Variants in ACO1 observed in about 807,000 individuals in gnomAD.
The protein encoded by ACO1 is aconitase 1.
In ACO1, 78 loss-of-function variants were observed where a neutral mutation model predicts 105.1. The observed-to-expected ratio is 0.74, with a 90% CI of 0.62 to 0.90. The LOEUF (loss-of-function observed/expected upper bound fraction) is 0.90. Ranked by LOEUF, ACO1 falls within the 40% of genes least tolerant of loss-of-function variation. The pLI is 0.00. For synonymous variants in ACO1, 364 were observed against 397.4 expected (o/e 0.92, Z 1.00); for missense variants, 965 against 1,111.1 (o/e 0.87, Z 1.87).
Position 32,424,638 on chromosome 9 carries a change from G to A in ACO1, c.1161G>A (p.Lys387=). Residue 387 remains lysine, a synonymous_variant, in exon 10 of 21, where the codon AAG becomes AAA. Transcript: ENST00000309951. ...QDKVAVSDMK[K]DFESCLGAKQ... is the part of the protein sequence containing the mutation. ...AAGTTGCTGTGTCCGACATGAAAAA[G>A]GACTTTGAGAGCTGCCTTGGAGCCA... The A allele has an allele frequency of 1.2e-6, 2 of 1,614,040 alleles. No homozygotes were observed. Among genetic ancestry groups the A allele is most frequent in the Non-Finnish European group, 1.7e-6 (2 of 1,179,968 alleles).
At chr9:32,398,164 G>A (rs1407491228) in intron 1 of ACO1, among the ~76,000 whole-genome samples, 1 of 152,096 alleles carries the variant, frequency 6.6e-6, no homozygotes, top group African/African-American at 2.4e-5. Context: ...TGTATCATAA[G>A]GTAATTAATT....
Position 32,440,562 on chromosome 9 carries a change from G to A in ACO1, c.2345G>A (p.Trp782Ter). ...TACGGTGCAGGCAGCTCCCGAGACT[G>A]GGCAGCTAAGGGCCCTTTCCTGCTG... is the stretch of plus-strand genomic sequence containing the variant. Reference protein sequence around the residue: ...KEYGAGSSRDWAAKGPFLLGI... With the variant: ...KEYGAGSSRD Residue 782 changes from tryptophan (W) to a stop codon, truncating the protein, a stop_gained, in exon 19 of 21, where the codon TGG (tryptophan) becomes TAG (stop). Coordinates refer to ENST00000309951, the MANE Select transcript of ACO1 (RefSeq NM_002197.3). LOFTEE classifies it high-confidence loss of function. The A allele has an allele frequency of 3.7e-6, 6 of 1,613,858 alleles. No individual in the cohort carries two copies. Among genetic ancestry groups the A allele is most frequent in the Non-Finnish European group, 4.2e-6 (5 of 1,179,872 alleles).
At chr9:32,432,235 C>A (rs756705045) in intron 15 of ACO1, among the ~76,000 whole-genome samples, 29 of 152,266 alleles carry the variant, frequency 1.9e-4, no homozygotes, top group Non-Finnish European at 3.5e-4. Flanking sequence ...TGCATTTTTG[C>A]ACACTTAAAA....
At chr9:32,403,490 A>G (rs1383472463) in intron 1 of ACO1, among the ~76,000 whole-genome samples, 1 of 152,216 alleles carries the variant, frequency 6.6e-6, no homozygotes, top group South Asian at 2.1e-4. Flanking sequence ...ATTGGTCACT[A>G]TATCCATCCC....
intron 19 of ACO1, 54 bp downstream of exon 19, chr9:32,440,641 C>T (rs1049042197): frequency 6.3e-7 from 1 of 1,583,634 alleles, no homozygotes; most frequent in Admixed American, 1.8e-5. Flanking sequence ...CTGGGAGGGT[C>T]CCCAGGCACA....
At position 32,408,608 on chromosome 9, in the gene ACO1, G is replaced by C; in HGVS notation, c.361G>C (p.Asp121His). ...PEKINPVCPADLVIDHSIQVD... is the reference protein window; with the variant it reads ...PEKINPVCPAHLVIDHSIQVD... ...GAAAATAAACCCTGTCTGCCCTGCT[G>C]ATCTTGTAATAGATCATTCCATCCA... is the stretch of plus-strand genomic sequence containing the variant. Residue 121 changes from aspartate to histidine, a missense_variant, in exon 4 of 21, where the codon GAT becomes CAT. By Grantham distance (81) the Asp-to-His change is moderately conservative. Coordinates refer to ENST00000309951, the MANE Select transcript of ACO1 (RefSeq NM_002197.3). 1.2e-6 allele frequency: 2 copies of C among 1,614,170 alleles called. No individual in the cohort carries two copies. Among genetic ancestry groups the C allele is most frequent in the Non-Finnish European group, 1.7e-6 (2 of 1,180,024 alleles).
At chr9:32,424,025 G>A (rs932926981) in intron 9 of ACO1, among the ~76,000 whole-genome samples, 2 of 152,148 alleles carry the variant, frequency 1.3e-5, no homozygotes, top group Non-Finnish European at 2.9e-5. Context: ...CTGAATCCAC[G>A]TTTTTCTAGA....
At chr9:32,421,573 A>C (rs1237269892) in intron 8 of ACO1, among the ~76,000 whole-genome samples, 1 of 152,178 alleles carries the variant, frequency 6.6e-6, no homozygotes, top group Non-Finnish European at 1.5e-5. Context: ...GAGTCCAGGC[A>C]TGGTGGCTCA....
At chr9:32,410,792 A>G (rs928757980) in intron 4 of ACO1, among the ~76,000 whole-genome samples, 2 of 152,240 alleles carry the variant, frequency 1.3e-5, no homozygotes, top group African/African-American at 4.8e-5. Flanking sequence ...CAGAATCTCA[A>G]CAGCAGTCAA....
chr9:32,427,214 T>G (rs1822119231), intron 11 of ACO1, 87 bp from the exon 12 acceptor site: 1 of 1,523,324 alleles, frequency 6.6e-7, no homozygotes, highest in Non-Finnish European at 8.9e-7. Flanking sequence ...AAATGCAGAC[T>G]GAAGAAAATC....
chr9:32,426,344 G>A (rs988225451), intron 11 of ACO1, among the ~76,000 whole-genome samples: 5 of 152,202 alleles, frequency 3.3e-5, no homozygotes, highest in African/African-American at 1.2e-4. Context: ...TGAAACCCCT[G>A]AGCAGCAGGA....
At chr9:32,447,236 T>C (rs1011244452) in intron 19 of ACO1, among the ~76,000 whole-genome samples, 14 of 152,182 alleles carry the variant, frequency 9.2e-5, no homozygotes, top group Non-Finnish European at 2.1e-4. Flanking sequence ...TCACATAGTC[T>C]CATGTTTCTT....
At chr9:32,427,718 C>T (rs959833372) in intron 12 of ACO1, among the ~76,000 whole-genome samples, 2 of 152,152 alleles carry the variant, frequency 1.3e-5, no homozygotes, top group African/African-American at 2.4e-5. Flanking sequence ...CATTACCACA[C>T]ACTACTGTTG....
At position 32,448,976 on chromosome 9, in the gene ACO1, A is replaced by T. The variant is rs1012255074; in HGVS notation, c.2451A>T (p.Glu817Asp). 2 of 1,613,928 alleles carry T rather than the reference A, an allele frequency of 1.2e-6. No individual in the cohort carries two copies. Among genetic ancestry groups the T allele is most frequent in the African/African-American group, 1.3e-5 (1 of 74,922 alleles). ...TTGGGATGGGTGTGATCCCACTTGA[A>T]TATCTCCCTGGTGAGAATGCAGATG... is the stretch of plus-strand genomic sequence containing the variant. ...NLVGMGVIPLEYLPGENADAL... is the reference protein window; with the variant it reads ...NLVGMGVIPLDYLPGENADAL... Residue 817 changes from glutamate to aspartate, a missense_variant, in exon 20 of 21, where the codon GAA (glutamate) becomes GAT (aspartate). Coordinates refer to ENST00000309951, the MANE Select transcript of ACO1 (RefSeq NM_002197.3).
intron 4 of ACO1, among the ~76,000 whole-genome samples, 172 bp from the exon 5 acceptor site, chr9:32,417,956 C>A (rs1821886569): frequency 6.6e-6 from 1 of 152,208 alleles, no homozygotes; most frequent in Admixed American, 6.5e-5. Flanking sequence ...ACTCTCTTTA[C>A]TTTCACTAGT....
chr9:32,447,237 C>G (rs1448366968), intron 19 of ACO1, among the ~76,000 whole-genome samples: 1 of 152,194 alleles, frequency 6.6e-6, no homozygotes, highest in Non-Finnish European at 1.5e-5. Flanking sequence ...CACATAGTCT[C>G]ATGTTTCTTG....
At chr9:32,385,314 T>A (rs1259089251) in intron 1 of ACO1, among the ~76,000 whole-genome samples, 1 of 152,232 alleles carries the variant, frequency 6.6e-6, no homozygotes, top group Non-Finnish European at 1.5e-5. Context: ...TAGCACATCA[T>A]AATGGCATCT....
intron 17 of ACO1, 67 bp downstream of exon 17, chr9:32,434,768 T>C: frequency 6.4e-7 from 1 of 1,571,782 alleles, no homozygotes; most frequent in South Asian, 1.1e-5. Flanking sequence ...GAGGCCAGCA[T>C]TTCTCTTTTC....
intron 1 of ACO1, among the ~76,000 whole-genome samples, chr9:32,403,109 G>A (rs148099121): frequency 9.9e-5 from 15 of 152,280 alleles, no homozygotes; most frequent in African/African-American, 3.4e-4. Context: ...CAGCAGCATC[G>A]TCAGAACAGG....
Sources: allele counts gnomAD v4.1 joint callset (sites outside exome capture counted in the v4.1 genomes callset), GRCh38; gene constraint gnomAD v4.1.1; transcripts MANE v1.5; gene names NCBI Gene and HGNC (gene_info 2026-07-23, HGNC 2026-07-21).